The following BCL3 variants were observed in gnomAD, a reference collection of about 807,000 sequenced individuals.
BCL3 encodes the protein B-cell lymphoma 3 protein.
BCL3 carries 15 observed loss-of-function variants against 35.7 expected under a neutral mutation model. That is an observed-to-expected ratio of 0.42 (90% CI 0.28 to 0.65). BCL3 has a LOEUF of 0.65. Ranked by LOEUF, BCL3 falls within the 30% of genes least tolerant of loss-of-function variation. BCL3 has a pLI of 0.22. For missense variants in BCL3, 565 were observed against 641.7 expected, an observed-to-expected ratio of 0.88 and a Z score of 1.29; for synonymous variants, 311 against 284.3, an observed-to-expected ratio of 1.09 and a Z score of -0.95.
upstream of BCL3, chr19:44,747,780 C>G: frequency 9.3e-7 from 1 of 1,074,058 alleles, no homozygotes; most frequent in Non-Finnish European, 1.1e-6. Context: ...CTTGCTATCT[C>G]TCTTTCTCTC....
At chr19:44,752,018 A>G (rs1243437217) in intron 2 of BCL3, among the ~76,000 whole-genome samples, 1 of 151,946 alleles carries the variant, frequency 6.6e-6, no homozygotes, top group Non-Finnish European at 1.5e-5. Context: ...CTATCACTGG[A>G]CCTGGCATAA....
chr19:44,754,336 C>G (rs543587753), intron 2 of BCL3, among the ~76,000 whole-genome samples: 2 of 152,040 alleles, frequency 1.3e-5, no homozygotes, highest in Non-Finnish European at 2.9e-5. Flanking sequence ...ATGCGCCCCC[C>G]CTACACACAC....
At chr19:44,748,277 A>G, upstream of BCL3, 1 of 362,716 alleles carries the variant, frequency 2.8e-6, no homozygotes, top group South Asian at 2.3e-5. Flanking sequence ...GAGCACACAG[A>G]GACAAACGCG....
chr19:44,747,927 C>T (rs1967095749), upstream of BCL3: 5 of 874,450 alleles, frequency 5.7e-6, no homozygotes, highest in South Asian at 1.8e-5. Context: ...GTGGAGCGCT[C>T]CCCACCCTCA....
chr19:44,754,224 T>C (rs1967237564), intron 2 of BCL3, among the ~76,000 whole-genome samples: 1 of 152,118 alleles, frequency 6.6e-6, no homozygotes, highest in Non-Finnish European at 1.5e-5. Flanking sequence ...CCAAGAGATG[T>C]TGGGGGTGGA....
chr19:44,756,433 G>T, intron 3 of BCL3, 93 bp downstream of exon 3: 1 of 927,568 alleles, frequency 1.1e-6, no homozygotes, highest in Non-Finnish European at 1.5e-6. Flanking sequence ...GTCTGAGGGA[G>T]GGGGGCTGGG....
intron 2 of BCL3, among the ~76,000 whole-genome samples, chr19:44,753,483 A>G (rs1967220447): frequency 2.6e-5 from 4 of 152,054 alleles, no homozygotes. Context: ...ACCGCAACCC[A>G]GCTGCTCTGC....
intron 2 of BCL3, among the ~76,000 whole-genome samples, chr19:44,752,650 G>A (rs1323177001): frequency 6.6e-6 from 1 of 152,188 alleles, no homozygotes; most frequent in Non-Finnish European, 1.5e-5. Context: ...TGTTTGTGAG[G>A]CTGCTGAGAA....
Position 44,757,804 on chromosome 19 carries a change from C to A in BCL3, c.891+81C>A, listed in dbSNP as rs1169688076. 16 of 1,359,342 alleles carry A rather than the reference C, an allele frequency of 1.2e-5. No homozygotes were observed. The highest frequency in any genetic ancestry group is 1.6e-5 in the Non-Finnish European group (15 of 963,792). The allele number at this position is 1,359,342 out of a possible 1,614,324, so 84.2% of individuals were successfully genotyped here. ...CTCTGGCCTCAGCCCCTAGCTCTGA[C>A]CCCGCCTTCCACTTCTGGCTCCGGC... On this transcript the variant is annotated intron_variant, in intron 6 of 8. Coordinates refer to ENST00000164227, the MANE Select transcript of BCL3 (RefSeq NM_005178.5). This position sits in a 1 kb window ranked among gnomAD's most constrained non-coding sequence, Gnocchi z 8.4.
At chr19:44,748,311 TCAGA>T (rs1357236765), upstream of BCL3, among the ~76,000 whole-genome samples, 1 of 151,886 alleles carries the variant, frequency 6.6e-6, no homozygotes, top group African/African-American at 2.4e-5. Flanking sequence ...AAACACCTAC[TCAGA>T]CAGGAGAACC....
In BCL3 at chr19:44,759,970, C is replaced by G. The variant is rs1418852299; in HGVS notation, c.*355C>G. The G allele has an allele frequency of 3.4e-6, 1 of 291,958 alleles. No individual in the cohort carries two copies. The highest frequency in any genetic ancestry group is 6.3e-6 in the Non-Finnish European group (1 of 158,594). 18.1% of individuals were successfully genotyped at this position (291,958 alleles called of 1,614,324 possible). A position where few individuals can be genotyped will look rare whatever the true frequency, so the allele number is the denominator to read the frequency against. ...TGAGGAGGGGAGAGGTGGGCCGTAA[C>G]GGGCACGGATCACGATGTAAATTAT... is the stretch of plus-strand genomic sequence containing the variant. On this transcript the variant is annotated 3_prime_UTR_variant, in exon 9 of 9. Coordinates refer to ENST00000164227, the MANE Select transcript of BCL3 (RefSeq NM_005178.5).
At chr19:44,749,350 C>T (rs1967133831) in intron 1 of BCL3, among the ~76,000 whole-genome samples, 1 of 150,976 alleles carries the variant, frequency 6.6e-6, no homozygotes, top group African/African-American at 2.4e-5. Flanking sequence ...AATCAGGGCA[C>T]AGAGCCTGGT....
At position 44,748,943 on chromosome 19, in the gene BCL3, G is replaced by A. The variant is rs1487819465; in HGVS notation, c.153G>A (p.Ala51=). 3.0e-5 allele frequency: 37 copies of A among 1,238,330 alleles called. No homozygotes were observed. Among genetic ancestry groups the A allele is most frequent in the Non-Finnish European group, 3.7e-5 (37 of 987,262 alleles). 76.7% of individuals were successfully genotyped at this position (1,238,330 alleles called of 1,614,324 possible). A position where few individuals can be genotyped will look rare whatever the true frequency, so the allele number is the denominator to read the frequency against. The change falls in exon 1 of 9, where the codon GCG becomes GCA. Residue 51 remains alanine (A), a synonymous_variant. Transcript: ENST00000164227. ...SPEPAAPRGA[A]GLVVPLDPLR... is the part of the protein sequence containing the mutation. The stretch of plus-strand genomic sequence containing the variant: ...AGCCCGCCGCTCCCCGCGGCGCTGC[G>A]GGCCTTGTCGTCCCCCTGGACCCTC...
intron 1 of BCL3, among the ~76,000 whole-genome samples, chr19:44,749,793 A>G (rs1400424643): frequency 1.3e-5 from 2 of 152,144 alleles, no homozygotes; most frequent in African/African-American, 4.8e-5. Context: ...GGGACTGAGG[A>G]TCCTAAGATT....
rs1183184469 is a variant in BCL3 at position 44,754,071 on chromosome 19, G to T, written c.411-2161G>T. Among the ~76,000 whole-genome samples the T allele has an allele frequency of 3.3e-5, 5 of 152,324 alleles. No individual in the cohort carries two copies. In the East Asian group the frequency reaches 9.6e-4, roughly 29 times the overall value. ...CACGCCAAGGGGCCTGAAAGTCTGT[G>T]TTCCCAAAGGGCCAGGGTTTGAGGC... On this transcript the variant is annotated intron_variant, in intron 2 of 8. Transcript: ENST00000164227.
At chr19:44,748,648 G>T (rs1289269010), upstream of BCL3, 37 of 999,068 alleles carry the variant, frequency 3.7e-5, no homozygotes, top group Non-Finnish European at 4.5e-5. Context: ...GCCGGGGGCG[G>T]GGAGGCGGGC....
Position 44,751,326 on chromosome 19 carries a change from AC to A in BCL3, c.361del (p.Leu121PhefsTer60). 1 of 1,604,596 alleles carries A rather than the reference AC, an allele frequency of 6.2e-7. No individual in the cohort carries two copies. Among genetic ancestry groups the A allele is most frequent in the East Asian group, 2.3e-5 (1 of 44,258 alleles). On this transcript the variant is annotated frameshift_variant, in exon 2 of 9. Transcript: ENST00000164227. LOFTEE classifies it high-confidence loss of function. ...PLYPMMCPMEHPLSADIAMAT... is the reference protein window; with the variant it reads ...PLYPMMCPMEXPLSADIAMAT... Reference sequence around the variant, plus strand: ...TACCCCATGATGTGCCCCATGGAACACCCCCTTTCTGCTGACATCGCCATGG... The same window carrying A: ...TACCCCATGATGTGCCCCATGGAACACCCCTTTCTGCTGACATCGCCATGG...
At chr19:44,748,663 G>T (rs1380231278), upstream of BCL3, 6 of 1,029,736 alleles carry the variant, frequency 5.8e-6, no homozygotes, top group African/African-American at 1.0e-4. Context: ...GCGGGCGGCC[G>T]GCACCGCCCC....
chr19:44,752,315 C>G (rs1293804870), intron 2 of BCL3, among the ~76,000 whole-genome samples: 2 of 151,790 alleles, frequency 1.3e-5, no homozygotes, highest in Non-Finnish European at 2.9e-5. Flanking sequence ...ATCCTCCCAC[C>G]TCAGCCTCCT....
Sources: gnomAD v4.1 joint callset for allele counts (sites outside exome capture counted in the v4.1 genomes callset) on GRCh38, gnomAD v4.1.1 for gene constraint, Gnocchi (gnomAD v3.1) non-coding constraint, MANE v1.5 for transcripts, NCBI Gene and HGNC (gene_info 2026-07-23, HGNC 2026-07-21) for gene names.